MYO3B: variants seen among roughly 807,000 people sequenced by gnomAD.
MYO3B encodes the protein myosin IIIB.
In MYO3B, 156 loss-of-function variants were observed where a neutral mutation model predicts 174.6. The ratio of observed to expected loss-of-function variants is 0.89; its 90% confidence interval spans 0.78 to 1.02. The LOEUF is 1.02. Among genes scored for constraint, MYO3B ranks in the 50% least tolerant of loss-of-function variants. MYO3B has a pLI of 0.00. For missense variants in MYO3B, 1,632 were observed against 1,639.4 expected (o/e 1.00, Z 0.08); for synonymous variants, 563 against 569.1 (o/e 0.99, Z 0.15).
At chr2:170,373,556 G>A (rs535714887) in intron 9 of MYO3B, among the ~76,000 whole-genome samples, 6 of 152,182 alleles carry the variant, frequency 3.9e-5, no homozygotes, top group Non-Finnish European at 8.8e-5. Context: ...GGTAGTTTGA[G>A]CAGGATGCAG....
At chr2:170,651,821 G>GGGGGGGGCCCC in intron 33 of MYO3B, 87 bp downstream of exon 33, 1 of 1,089,326 alleles carries the variant, frequency 9.2e-7, no homozygotes, top group Admixed American at 1.8e-5. Flanking sequence ...AGCCCCTGCA[G>GGGGGGGGCCCC]CCCCACCCCC....
intron 1 of MYO3B, among the ~76,000 whole-genome samples, chr2:170,183,263 AAAC>A (rs1258655827): frequency 6.6e-6 from 1 of 152,140 alleles, no homozygotes; most frequent in Non-Finnish European, 1.5e-5. Flanking sequence ...TCTCAAAAAA[AAAC>A]AATTATTTAC....
intron 25 of MYO3B, among the ~76,000 whole-genome samples, chr2:170,485,418 C>CAGAG (rs1386921638): frequency 0.013 from 1,654 of 130,638 alleles, 12 homozygotes; most frequent in African/African-American, 0.033. Context: ...CACACACACA[C>CAGAG]ACAGAGAGAG....
chr2:170,372,062 C>A (rs2094250171), intron 9 of MYO3B, among the ~76,000 whole-genome samples: 1 of 124,126 alleles, frequency 8.1e-6, no homozygotes, highest in Non-Finnish European at 1.6e-5. Flanking sequence ...GAGGCTGCAG[C>A]AAACTGTGAT....
chr2:170,257,037 C>A (rs1200458276), intron 7 of MYO3B, among the ~76,000 whole-genome samples: 1 of 152,032 alleles, frequency 6.6e-6, no homozygotes, highest in African/African-American at 2.4e-5. Flanking sequence ...AGATTCAATT[C>A]CTCAGAAATA....
chr2:170,339,948 CTTTCCCCTACGACTAAAGCTAT>C (rs1284811541), intron 8 of MYO3B, among the ~76,000 whole-genome samples: 1 of 152,166 alleles, frequency 6.6e-6, no homozygotes, highest in Non-Finnish European at 1.5e-5. Context: ...ATTATCAGCC[CTTTCCCCTACGACTAAAGCTAT>C]TTGCATAACA....
chr2:170,501,923 G>A (rs1022414175), intron 28 of MYO3B, 58 bp downstream of exon 28: 1 of 1,196,068 alleles, frequency 8.4e-7, no homozygotes, highest in South Asian at 1.3e-5. Context: ...ACTAACTTCT[G>A]TGAATGTAGA....
chr2:170,319,159 A>G (rs540990675), intron 7 of MYO3B, among the ~76,000 whole-genome samples: 1 of 152,228 alleles, frequency 6.6e-6, no homozygotes, highest in African/African-American at 2.4e-5. Context: ...TAGTAGCTCA[A>G]TTCTCAAACT....
At chr2:170,310,199 C>T (rs890498249) in intron 7 of MYO3B, among the ~76,000 whole-genome samples, 2 of 152,152 alleles carry the variant, frequency 1.3e-5, no homozygotes, top group African/African-American at 4.8e-5. Context: ...CGACGAAAAG[C>T]GTCAAACTCT....
At chr2:170,211,600 G>C (rs1481651191) in intron 3 of MYO3B, among the ~76,000 whole-genome samples, 1 of 152,182 alleles carries the variant, frequency 6.6e-6, no homozygotes, top group East Asian at 1.9e-4. Context: ...TAAGAAAAAG[G>C]CTAAGCGTTG....
intron 32 of MYO3B, among the ~76,000 whole-genome samples, chr2:170,621,918 C>T (rs935225218): frequency 1.3e-5 from 2 of 152,050 alleles, no homozygotes; most frequent in South Asian, 2.1e-4. Context: ...CCACCTGTCC[C>T]CTAGATTTTA....
chr2:170,215,678 G>A (rs946077515), intron 5 of MYO3B, among the ~76,000 whole-genome samples: 4 of 152,132 alleles, frequency 2.6e-5, no homozygotes, highest in African/African-American at 4.8e-5. Flanking sequence ...TGGTTTAGAC[G>A]TACTAGTCTA....
chr2:170,459,996 C>G (rs780029533), intron 23 of MYO3B, among the ~76,000 whole-genome samples: 3 of 152,096 alleles, frequency 2.0e-5, no homozygotes, highest in Non-Finnish European at 2.9e-5. Context: ...GTTCCCAGCC[C>G]GTACCTCTCC....
chr2:170,445,164 A>G (rs189550367), intron 23 of MYO3B, among the ~76,000 whole-genome samples: 3 of 151,104 alleles, frequency 2.0e-5, no homozygotes, highest in African/African-American at 7.2e-5. Flanking sequence ...ATTCTAAATA[A>G]TTATAGTCAG....
chr2:170,218,732 CTG>C lies in MYO3B; in HGVS notation c.603+1342_603+1343del, dbSNP rs552071501. On this transcript the variant is annotated intron_variant, in intron 6 of 34. Transcript: ENST00000408978. ...CTTAATAGTAAACATAATATGAACA[CTG>C]TGTGACAAATAGTCATCCAGATGAT... Among the ~76,000 whole-genome samples, 14 of 152,316 alleles carry C rather than the reference CTG, an allele frequency of 9.2e-5. No homozygotes were observed. In the East Asian group the frequency reaches 1.5e-3, roughly 17 times the overall value.
intron 32 of MYO3B, among the ~76,000 whole-genome samples, chr2:170,617,477 G>A (rs1695537622): frequency 6.6e-6 from 1 of 152,178 alleles, no homozygotes; most frequent in African/African-American, 2.4e-5. Flanking sequence ...ACTTTTAAGT[G>A]GTATAGTTTT....
At chr2:170,215,189 G>A (rs967631181) in intron 5 of MYO3B, among the ~76,000 whole-genome samples, 3 of 152,160 alleles carry the variant, frequency 2.0e-5, no homozygotes, top group Non-Finnish European at 2.9e-5. Flanking sequence ...AAGCAGTTTG[G>A]TCTTTCAAAT....
intron 31 of MYO3B, 134 bp downstream of exon 31, chr2:170,543,100 T>G: frequency 1.4e-6 from 1 of 694,570 alleles, no homozygotes; most frequent in Middle Eastern, 2.6e-4. Flanking sequence ...TATTTTGAAG[T>G]CTTTGAGACA....
rs542189102 is a variant in MYO3B, at chr2:170,266,494, T to G, written c.749+30358T>G. 5.9e-5 allele frequency among the ~76,000 whole-genome samples: 9 copies of G among 152,326 alleles called. No individual in the cohort carries two copies. In the South Asian group the frequency reaches 1.7e-3, roughly 28 times the overall value. ...TTAGAATATTCTTAAGGTCATTCTT[T>G]CAATGGCTGATCTATTTCTTAACAG... is the stretch of plus-strand genomic sequence containing the variant. On this transcript the variant is annotated intron_variant, in intron 7 of 34. Transcript: ENST00000408978.
Sources: allele counts gnomAD v4.1 joint callset (sites outside exome capture counted in the v4.1 genomes callset), GRCh38; gene constraint gnomAD v4.1.1; transcripts MANE v1.5; gene names NCBI Gene and HGNC (gene_info 2026-07-23, HGNC 2026-07-21).